The following SPARCL1 variants were observed in gnomAD, a reference collection of about 807,000 sequenced individuals.
The protein encoded by SPARCL1 is SPARC-like protein 1.
In SPARCL1, 52 loss-of-function variants were observed where a neutral mutation model predicts 67.1. That is an observed-to-expected ratio of 0.78 (90% CI 0.62 to 0.98). The LOEUF (loss-of-function observed/expected upper bound fraction) is 0.98. Among genes scored for constraint, SPARCL1 ranks in the 50% least tolerant of loss-of-function variants. The probability of loss-of-function intolerance (pLI) is 0.00; values close to 1 mark genes in which losing one functional copy is unlikely to be tolerated. For synonymous variants in SPARCL1, 226 were observed against 267.8 expected (o/e 0.84, Z 1.52); for missense variants, 717 against 782.4 (o/e 0.92, Z 1.00).
intron 10 of SPARCL1, among the ~76,000 whole-genome samples, chr4:87,479,044 G>A (rs1003789455): frequency 2.0e-5 from 3 of 152,124 alleles, no homozygotes; most frequent in African/African-American, 7.2e-5. Flanking sequence ...TCAGAAATGG[G>A]CTTGCTTTTT....
rs570164975 is a variant in SPARCL1 at position 87,503,059 on chromosome 4, T to C, written c.-11-3474A>G. On this transcript the variant is annotated intron_variant, in intron 1 of 10. Coordinates refer to ENST00000282470, the MANE Select transcript of SPARCL1 (RefSeq NM_004684.6). ...CTGATTTTTCACTTAGTCCCTAGGT[T>C]TCTGTATGGCTCCACCTCCCACCTG... 4.8e-4 allele frequency among the ~76,000 whole-genome samples: 73 copies of C among 152,326 alleles called. 1 individual carries two copies. In the South Asian group the frequency reaches 0.015, roughly 31 times the overall value.
At chr4:87,491,854 C>T (rs777235923) in intron 4 of SPARCL1, among the ~76,000 whole-genome samples, 164 bp from the exon 5 acceptor site, 53 of 151,940 alleles carry the variant, frequency 3.5e-4, no homozygotes, top group Non-Finnish European at 5.6e-4. Context: ...TGTGTAATCC[C>T]AGCACTTTGG....
At chr4:87,483,453 AT>A (rs750413463) in intron 7 of SPARCL1, among the ~76,000 whole-genome samples, 99 of 152,148 alleles carry the variant, frequency 6.5e-4, no homozygotes, top group Non-Finnish European at 1.2e-3. Flanking sequence ...TCCATGGTGT[AT>A]ATGTGTCATA....
At chr4:87,476,691 T>A (rs1035994392) in intron 10 of SPARCL1, among the ~76,000 whole-genome samples, 1 of 152,178 alleles carries the variant, frequency 6.6e-6, no homozygotes, top group Non-Finnish European at 1.5e-5. Flanking sequence ...TAAATGAGGA[T>A]TCCTGCACCT....
intron 1 of SPARCL1, chr4:87,528,202 C>CT (rs11407662): frequency 0.3 from 44,823 of 151,568 alleles, 7,309 homozygotes; most frequent in South Asian, 0.42. Flanking sequence ...CCTTTCTTTT[C>CT]TTTTTTTCTC....
intron 10 of SPARCL1, among the ~76,000 whole-genome samples, chr4:87,475,794 T>C (rs940497619): frequency 6.6e-6 from 1 of 152,196 alleles, no homozygotes; most frequent in Admixed American, 6.5e-5. Context: ...TAATGTAAAT[T>C]AGTTGAGCCA....
intron 1 of SPARCL1, among the ~76,000 whole-genome samples, 196 bp downstream of exon 1, chr4:87,528,849 C>T (rs553362655): frequency 9.2e-5 from 14 of 152,174 alleles, no homozygotes; most frequent in African/African-American, 2.6e-4. Flanking sequence ...TATTTAATTT[C>T]GCAGGAAACA....
intron 7 of SPARCL1, among the ~76,000 whole-genome samples, chr4:87,485,092 C>T (rs1342752996): frequency 6.6e-6 from 1 of 151,910 alleles, no homozygotes; most frequent in East Asian, 1.9e-4. Context: ...GCCAGAACTT[C>T]CAATACTATG....
Position 87,511,807 on chromosome 4 carries a change from A to G in SPARCL1, c.-11-12222T>C, listed in dbSNP as rs549181790. 4.6e-5 allele frequency among the ~76,000 whole-genome samples: 7 copies of G among 152,234 alleles called. No individual in the cohort carries two copies. In the South Asian group the frequency reaches 1.5e-3, roughly 32 times the overall value. On this transcript the variant is annotated intron_variant, in intron 1 of 10. Coordinates refer to ENST00000282470, the MANE Select transcript of SPARCL1 (RefSeq NM_004684.6). ...GTGATTGGAGAATGAACAGGCAGTGATGAAGTGAGGGCAGTGAGTGTAGAC... is the reference window on the plus strand; with the variant it reads ...GTGATTGGAGAATGAACAGGCAGTGGTGAAGTGAGGGCAGTGAGTGTAGAC...
chr4:87,512,904 T>C lies in SPARCL1; in HGVS notation c.-11-13319A>G, dbSNP rs188424902. Among the ~76,000 whole-genome samples the C allele has an allele frequency of 3.2e-3, 487 of 152,352 alleles. 2 individuals are homozygous for C. Among genetic ancestry groups the C allele is most frequent in the Non-Finnish European group, 2.9e-3 (198 of 68,030 alleles). ...GGCTGTAATACTTAATTTGCGTAAATAAGCAAATTGTGTAGCTTTTGGGGG... is the reference window on the plus strand; with the variant it reads ...GGCTGTAATACTTAATTTGCGTAAACAAGCAAATTGTGTAGCTTTTGGGGG... On this transcript the variant is annotated intron_variant, in intron 1 of 10. Coordinates refer to ENST00000282470, the MANE Select transcript of SPARCL1 (RefSeq NM_004684.6).
rs554880923 is a variant in SPARCL1, at chr4:87,505,875, T to C, written c.-11-6290A>G. The stretch of plus-strand genomic sequence containing the variant: ...TGCCTAGCCTTATATTTTAGATCAG[T>C]ATGTTATTACTATTCTACTGGTTTT... On this transcript the variant is annotated intron_variant, in intron 1 of 10. Transcript: ENST00000282470. Among the ~76,000 whole-genome samples, 56 of 152,220 alleles carry C rather than the reference T, an allele frequency of 3.7e-4. 1 individual carries two copies. In the South Asian group the frequency reaches 0.011, roughly 30 times the overall value.
At position 87,479,595 on chromosome 4, in the gene SPARCL1, G is replaced by T; in HGVS notation, c.1818-17C>A. On this transcript the variant is annotated splice_polypyrimidine_tract_variant and intron_variant, in intron 9 of 10. Transcript: ENST00000282470. ...GTCAAGACTCTGCAATGAAATACAT[G>T]GCATCCTATTAATTGAGTAGCTTGT... 1 of 1,611,336 alleles carries T rather than the reference G, an allele frequency of 6.2e-7. No homozygotes were observed. Among genetic ancestry groups the T allele is most frequent in the South Asian group, 1.1e-5 (1 of 90,490 alleles).
chr4:87,514,043 A>C (rs1725482958), intron 1 of SPARCL1, among the ~76,000 whole-genome samples: 1 of 151,938 alleles, frequency 6.6e-6, no homozygotes, highest in African/African-American at 2.4e-5. Flanking sequence ...AAAACACAAA[A>C]ACTAGCTGGG....
rs78156173 is a variant in SPARCL1 at position 87,512,696 on chromosome 4, C to T, written c.-11-13111G>A. 8.1e-3 allele frequency among the ~76,000 whole-genome samples: 1,232 copies of T among 152,160 alleles called. 14 individuals are homozygous for T. The highest frequency in any genetic ancestry group is 0.028 in the African/African-American group (1,168 of 41,512). On this transcript the variant is annotated intron_variant, in intron 1 of 10. Coordinates refer to ENST00000282470, the MANE Select transcript of SPARCL1 (RefSeq NM_004684.6). ...AGCAGAAGAATCATGCAGTGGAGCC[C>T]AATCCAGATTGGAGAATTATGAGCA...
intron 1 of SPARCL1, among the ~76,000 whole-genome samples, chr4:87,521,671 G>T (rs971415985): frequency 6.6e-6 from 1 of 152,184 alleles, no homozygotes; most frequent in South Asian, 2.1e-4. Context: ...ATGACAACTT[G>T]ATCTGTTTAT....
intron 1 of SPARCL1, among the ~76,000 whole-genome samples, chr4:87,518,070 G>T (rs1725657222): frequency 6.6e-6 from 1 of 152,188 alleles, no homozygotes; most frequent in African/African-American, 2.4e-5. Context: ...TACCTCAGTG[G>T]TGCAAAGTTA....
intron 2 of SPARCL1, among the ~76,000 whole-genome samples, chr4:87,499,197 A>G (rs1159807847): frequency 6.6e-6 from 1 of 152,094 alleles, no homozygotes; most frequent in Admixed American, 6.5e-5. Flanking sequence ...GTTTATAATA[A>G]CAATGTGATG....
intron 1 of SPARCL1, among the ~76,000 whole-genome samples, chr4:87,519,949 G>T (rs4693831): frequency 0.38 from 57,111 of 151,844 alleles, 12,104 homozygotes; most frequent in East Asian, 0.6. Context: ...CACAAAGGTA[G>T]CAGAAACAGG....
chr4:87,480,460 G>A lies in SPARCL1; in HGVS notation c.1729C>T (p.Leu577Phe). ...TAGTTTTTCTTAAAGTCCCTTAAGA[G>A]AAGATCAATGGGATGGTCCCCAGCC... ...LLAGDHPIDL[L>F]LRDFKKNYHM... is the part of the protein sequence containing the mutation. The change falls in exon 9 of 11, where the codon CTC becomes TTC. Residue 577 changes from leucine (L) to phenylalanine (F), a missense_variant. Leu to Phe is a conservative substitution (Grantham distance 22). Coordinates refer to ENST00000282470, the MANE Select transcript of SPARCL1 (RefSeq NM_004684.6). The A allele has an allele frequency of 6.2e-7, 1 of 1,613,340 alleles. No homozygotes were observed. Among genetic ancestry groups the A allele is most frequent in the Non-Finnish European group, 8.5e-7 (1 of 1,179,612 alleles).
Sources: allele counts gnomAD v4.1 joint callset (sites outside exome capture counted in the v4.1 genomes callset), GRCh38; gene constraint gnomAD v4.1.1; transcripts MANE v1.5; gene names NCBI Gene and HGNC (gene_info 2026-07-23, HGNC 2026-07-21).